HMGB1: variants seen among roughly 807,000 people sequenced by gnomAD.
The protein encoded by HMGB1 is high mobility group box 1.
For missense variants in HMGB1, 79 were observed against 253.5 expected, an observed-to-expected ratio of 0.31 and a Z score of 4.67; for synonymous variants, 81 against 84.0, an observed-to-expected ratio of 0.96 and a Z score of 0.19.
chr13:30,510,493 A>G lies in HMGB1; in HGVS notation c.-14-46799T>C, dbSNP rs115019618. ...AGGATAAATCCCTCTGGAATCCGTT[A>G]CTAAACTTACCAGCCCCAGTTTGCC... On this transcript the variant is annotated intron_variant, in intron 1 of 4. Coordinates refer to the HMGB1 transcript ENST00000405805. Among the ~76,000 whole-genome samples the G allele has an allele frequency of 6.0e-3, 917 of 152,290 alleles. 9 individuals carry two copies. The highest frequency in any genetic ancestry group is 0.021 in the African/African-American group (871 of 41,550).
chr13:30,481,990 C>G (rs1887239314), intron 1 of HMGB1, among the ~76,000 whole-genome samples: 1 of 152,116 alleles, frequency 6.6e-6, no homozygotes, highest in Admixed American at 6.6e-5. Flanking sequence ...CCACCACGCC[C>G]AGCTAATTTT....
At chr13:30,588,907 C>G (rs1005717611) in intron 1 of HMGB1, among the ~76,000 whole-genome samples, 4 of 151,476 alleles carry the variant, frequency 2.6e-5, no homozygotes, top group Admixed American at 6.6e-5. Context: ...ACAGAGCAAG[C>G]CTCTGTTTAA....
intron 1 of HMGB1, among the ~76,000 whole-genome samples, chr13:30,506,260 G>A (rs1006535078): frequency 1.4e-4 from 22 of 152,126 alleles, no homozygotes; most frequent in African/African-American, 3.9e-4. Context: ...TTGGGTGGAA[G>A]CATTTGAGAT....
At chr13:30,576,042 G>A (rs1870640644) in intron 1 of HMGB1, among the ~76,000 whole-genome samples, 1 of 152,038 alleles carries the variant, frequency 6.6e-6, no homozygotes, top group Non-Finnish European at 1.5e-5. Context: ...CACCATCAAG[G>A]CCAACATTGG....
At chr13:30,552,290 T>C (rs1388120307) in intron 1 of HMGB1, among the ~76,000 whole-genome samples, 1 of 152,248 alleles carries the variant, frequency 6.6e-6, no homozygotes, top group East Asian at 1.9e-4. Flanking sequence ...GCAGACATTA[T>C]GACACTTTAC....
chr13:30,473,287 C>T (rs1289492596), intron 1 of HMGB1, among the ~76,000 whole-genome samples: 1 of 152,092 alleles, frequency 6.6e-6, no homozygotes, highest in Non-Finnish European at 1.5e-5. Flanking sequence ...TGTACCAAAG[C>T]TAATTTATAT....
intron 1 of HMGB1, among the ~76,000 whole-genome samples, chr13:30,465,543 C>CG (rs1478839561): frequency 6.6e-6 from 1 of 151,190 alleles, no homozygotes; most frequent in Non-Finnish European, 1.5e-5. Flanking sequence ...CGGACGCCGC[C>CG]GGGGGTGGAA....
At chr13:30,520,343 G>C (rs1474093967) in intron 1 of HMGB1, among the ~76,000 whole-genome samples, 1 of 149,952 alleles carries the variant, frequency 6.7e-6, no homozygotes, top group African/African-American at 2.5e-5. Flanking sequence ...AAATAGGCTG[G>C]GCGCAGTGGC....
intron 1 of HMGB1, chr13:30,554,109 C>A: frequency 1.6e-6 from 2 of 1,280,862 alleles, no homozygotes; most frequent in Non-Finnish European, 2.3e-6. Context: ...GAAGCTCTTT[C>A]AGAAGATGTG....
intron 1 of HMGB1, among the ~76,000 whole-genome samples, chr13:30,496,915 C>T (rs1031762752): frequency 1.3e-5 from 2 of 152,086 alleles, no homozygotes; most frequent in South Asian, 2.1e-4. Context: ...CCAATATTCC[C>T]GTCATGCCCG....
chr13:30,553,207 C>T (rs146032618), intron 1 of HMGB1, among the ~76,000 whole-genome samples: 1 of 152,308 alleles, frequency 6.6e-6, no homozygotes, highest in Non-Finnish European at 1.5e-5. Context: ...TTGGCTTTCT[C>T]TCCTTCCGGG....
At chr13:30,605,727 A>C (rs907966637) in intron 1 of HMGB1, among the ~76,000 whole-genome samples, 2 of 152,226 alleles carry the variant, frequency 1.3e-5, no homozygotes, top group Non-Finnish European at 2.9e-5. Flanking sequence ...TCAGTGAAGA[A>C]ACATGGTTCC....
intron 1 of HMGB1, among the ~76,000 whole-genome samples, chr13:30,478,871 CT>C (rs3042542): frequency 0.012 from 1,553 of 126,114 alleles, 23 homozygotes; most frequent in African/African-American, 0.039. Context: ...CTTTTCTTTT[CT>C]TTTTTTTTTT....
intron 1 of HMGB1, among the ~76,000 whole-genome samples, chr13:30,598,871 G>A (rs1035524551): frequency 1.1e-4 from 17 of 151,724 alleles, no homozygotes; most frequent in African/African-American, 4.1e-4. Flanking sequence ...TTTGTGTGTA[G>A]ATCTTTTATA....
chr13:30,615,100 C>T (rs577326823), intron 1 of HMGB1, among the ~76,000 whole-genome samples: 11 of 152,214 alleles, frequency 7.2e-5, no homozygotes, highest in South Asian at 2.1e-4. Flanking sequence ...GATCACTATA[C>T]GGCTACACTT....
At chr13:30,466,934 G>T (rs1217014400), upstream of HMGB1, among the ~76,000 whole-genome samples, 1 of 152,186 alleles carries the variant, frequency 6.6e-6, no homozygotes, top group African/African-American at 2.4e-5. Flanking sequence ...ACACCACTTA[G>T]TGCATCCATG....
At chr13:30,462,916 A>G (rs574516292) in intron 3 of HMGB1, among the ~76,000 whole-genome samples, 3 of 152,344 alleles carry the variant, frequency 2.0e-5, no homozygotes, top group East Asian at 3.9e-4. Context: ...AGAACCCTAG[A>G]TGAACATTCT....
chr13:30,590,307 AT>A (rs762474660), intron 1 of HMGB1, among the ~76,000 whole-genome samples: 3 of 152,018 alleles, frequency 2.0e-5, no homozygotes, highest in Non-Finnish European at 4.4e-5. Context: ...AGCACTTTAA[AT>A]TTTATTTTTA....
rs1886211713 is a variant in HMGB1, at chr13:30,460,036, A to T, written c.*1321T>A. ...GCTATTTTAAAATACTGGCACTTTA[A>T]GAAAACGATAATCTCGAAAACCACA... On this transcript the variant is annotated 3_prime_UTR_variant, in exon 5 of 5. Transcript: ENST00000341423. 1.3e-5 allele frequency: 2 copies of T among 152,616 alleles called. No individual in the cohort carries two copies. Among genetic ancestry groups the T allele is most frequent in the African/African-American group, 4.8e-5 (2 of 41,466 alleles). 9.5% of individuals were successfully genotyped at this position (152,616 alleles called of 1,614,324 possible).
Sources: gnomAD v4.1 joint callset for allele counts (sites outside exome capture counted in the v4.1 genomes callset) on GRCh38, gnomAD v4.1.1 for gene constraint, MANE v1.5 for transcripts, NCBI Gene and HGNC (gene_info 2026-07-23, HGNC 2026-07-21) for gene names.